The following KCNQ5 variants were observed in gnomAD, a reference collection of about 807,000 sequenced individuals.
The protein encoded by KCNQ5 is potassium voltage-gated channel subfamily Q member 5, also known as potassium voltage-gated channel subfamily KQT member 5.
A neutral mutation model predicts 98.2 loss-of-function variants in KCNQ5; 30 were observed. The observed-to-expected ratio is 0.31, with a 90% CI of 0.23 to 0.41. The LOEUF is 0.41. Ranked by LOEUF, KCNQ5 falls within the 10% of genes least tolerant of loss-of-function variation. KCNQ5 has a pLI of 1.00. For synonymous variants in KCNQ5, 458 were observed against 449.4 expected (o/e 1.02, Z -0.24); for missense variants, 835 against 1,182.5 (o/e 0.71, Z 4.31).
At chr6:72,898,785 C>T (rs577353142) in intron 1 of KCNQ5, among the ~76,000 whole-genome samples, 46 of 152,270 alleles carry the variant, frequency 3.0e-4, no homozygotes, top group African/African-American at 1.1e-3. Context: ...ATTTATACTC[C>T]CACCAACAGT....
intron 5 of KCNQ5, among the ~76,000 whole-genome samples, chr6:73,084,201 C>T (rs1395324237): frequency 6.6e-6 from 1 of 152,150 alleles, no homozygotes; most frequent in Admixed American, 6.5e-5. Context: ...CAGAGAATTA[C>T]ACAACAAAGG....
chr6:72,667,649 C>T (rs966687559), intron 1 of KCNQ5, among the ~76,000 whole-genome samples: 2 of 152,012 alleles, frequency 1.3e-5, no homozygotes, highest in Non-Finnish European at 2.9e-5. Flanking sequence ...GTTGATGATT[C>T]GGTTAATGTC....
chr6:72,789,243 C>T (rs558583809), intron 1 of KCNQ5, among the ~76,000 whole-genome samples: 12 of 152,190 alleles, frequency 7.9e-5, no homozygotes, highest in South Asian at 4.1e-4. Flanking sequence ...CTGCAACCTC[C>T]GCCTCTAGGT....
At chr6:73,069,440 A>G (rs954300827) in intron 3 of KCNQ5, among the ~76,000 whole-genome samples, 2 of 152,166 alleles carry the variant, frequency 1.3e-5, no homozygotes, top group South Asian at 4.1e-4. Context: ...AATTACTACA[A>G]ACAAATAACT....
intron 1 of KCNQ5, among the ~76,000 whole-genome samples, chr6:72,923,744 T>C (rs1780506850): frequency 6.6e-6 from 1 of 152,230 alleles, no homozygotes; most frequent in African/African-American, 2.4e-5. Context: ...CCCAAGTTTA[T>C]GTTCATGTGT....
chr6:72,987,495 T>C, intron 1 of KCNQ5: 1 of 663,096 alleles, frequency 1.5e-6, no homozygotes, highest in East Asian at 3.4e-5. Context: ...TACTGGTGGC[T>C]TCAAAAACCT....
intron 1 of KCNQ5, among the ~76,000 whole-genome samples, chr6:72,642,297 AC>A (rs1765359989): frequency 6.6e-6 from 1 of 151,840 alleles, no homozygotes; most frequent in Non-Finnish European, 1.5e-5. Flanking sequence ...ATGAACAGAC[AC>A]TTTTCTTTTT....
At chr6:72,845,650 C>T (rs1233737415) in intron 1 of KCNQ5, among the ~76,000 whole-genome samples, 4 of 152,114 alleles carry the variant, frequency 2.6e-5, no homozygotes, top group Admixed American at 1.3e-4. Flanking sequence ...AGTCATGTTA[C>T]GGTCACTGAT....
intron 1 of KCNQ5, among the ~76,000 whole-genome samples, chr6:72,951,295 G>A (rs779134667): frequency 8.6e-5 from 13 of 151,992 alleles, no homozygotes; most frequent in Non-Finnish European, 1.5e-5. Context: ...TTGTTTGTTT[G>A]AGACGGAGTC....
At chr6:72,632,192 C>T (rs1429219199) in intron 1 of KCNQ5, among the ~76,000 whole-genome samples, 9 of 128,016 alleles carry the variant, frequency 7.0e-5, no homozygotes, top group African/African-American at 1.2e-4. Flanking sequence ...GGCTGGAGTT[C>T]GGTGGCGCGA....
At chr6:72,691,475 A>G (rs907710586) in intron 1 of KCNQ5, among the ~76,000 whole-genome samples, 2 of 152,222 alleles carry the variant, frequency 1.3e-5, no homozygotes, top group Non-Finnish European at 2.9e-5. Context: ...CCCTTGAAGT[A>G]GTGGTTGCTA....
intron 1 of KCNQ5, chr6:72,806,844 TTTA>T (rs1375675778): frequency 2.2e-6 from 1 of 448,602 alleles, no homozygotes; most frequent in Admixed American, 2.4e-5. Flanking sequence ...TCAAATTTTA[TTTA>T]TTAATTTTCA....
At chr6:72,818,423 A>T (rs1775598110) in intron 1 of KCNQ5, among the ~76,000 whole-genome samples, 1 of 152,118 alleles carries the variant, frequency 6.6e-6, no homozygotes, top group Non-Finnish European at 1.5e-5. Flanking sequence ...GCAAGAAGAA[A>T]ACAGCAAGGA....
At chr6:72,935,485 T>C (rs1168878306) in intron 1 of KCNQ5, among the ~76,000 whole-genome samples, 1 of 152,148 alleles carries the variant, frequency 6.6e-6, no homozygotes, top group African/African-American at 2.4e-5. Flanking sequence ...TGGGTCCTCA[T>C]TCCCCTGCTA....
At chr6:72,736,098 C>T (rs1770816980) in intron 1 of KCNQ5, among the ~76,000 whole-genome samples, 1 of 151,764 alleles carries the variant, frequency 6.6e-6, no homozygotes, top group Non-Finnish European at 1.5e-5. Context: ...CACACACACA[C>T]ACACACACAC....
At chr6:72,634,504 T>G (rs1248804202) in intron 1 of KCNQ5, among the ~76,000 whole-genome samples, 1 of 152,232 alleles carries the variant, frequency 6.6e-6, no homozygotes, top group African/African-American at 2.4e-5. Context: ...CCTCTTTTTT[T>G]GTATCCTATA....
chr6:73,171,720 G>A (rs1778023587), intron 11 of KCNQ5, among the ~76,000 whole-genome samples: 1 of 152,144 alleles, frequency 6.6e-6, no homozygotes, highest in African/African-American at 2.4e-5. Context: ...AACATTACTG[G>A]TCTAGAAGTC....
chr6:73,091,175 A>G (rs1009267485), intron 5 of KCNQ5, among the ~76,000 whole-genome samples: 6 of 152,196 alleles, frequency 3.9e-5, no homozygotes, highest in Non-Finnish European at 8.8e-5. Context: ...CTTTGCAGGG[A>G]CATGGATGAA....
chr6:72,795,834 A>G (rs1268866701), intron 1 of KCNQ5, among the ~76,000 whole-genome samples: 1 of 152,090 alleles, frequency 6.6e-6, no homozygotes, highest in Non-Finnish European at 1.5e-5. Context: ...ATGACTTTTT[A>G]CTCAGTTTAA....
Sources: allele counts gnomAD v4.1 joint callset (sites outside exome capture counted in the v4.1 genomes callset), GRCh38; gene constraint gnomAD v4.1.1; transcripts MANE v1.5; gene names NCBI Gene and HGNC (gene_info 2026-07-23, HGNC 2026-07-21).